Variants in BBOX1 observed in about 807,000 individuals in gnomAD.
BBOX1 encodes gamma-butyrobetaine hydroxylase 1.
BBOX1 carries 35 observed loss-of-function variants against 41.6 expected under a neutral mutation model. The ratio of observed to expected loss-of-function variants is 0.84; its 90% confidence interval spans 0.64 to 1.11. The LOEUF is 1.11. Among genes scored for constraint, BBOX1 ranks in the 50% most tolerant of loss-of-function variants. BBOX1 has a pLI of 0.00. For synonymous variants in BBOX1, 163 were observed against 154.7 expected, an observed-to-expected ratio of 1.05 and a Z score of -0.40; for missense variants, 458 against 460.6, an observed-to-expected ratio of 0.99 and a Z score of 0.05.
chr11:27,127,647 T>G lies in BBOX1; in HGVS notation c.*194T>G. On this transcript the variant is annotated 3_prime_UTR_variant, in exon 9 of 9. Transcript: ENST00000263182. ...CTTTTTAGATGTTTCACCACTCTTT[T>G]GCAAATAAAGCATCCTTTCTGCTCT... 1 of 623,632 alleles carries G rather than the reference T, an allele frequency of 1.6e-6. No individual in the cohort carries two copies. The highest frequency in any genetic ancestry group is 2.6e-6 in the Non-Finnish European group (1 of 388,266). 38.6% of individuals were successfully genotyped at this position (623,632 alleles called of 1,614,324 possible).
At chr11:27,115,643 A>T (rs1490921481) in intron 6 of BBOX1, 86 bp downstream of exon 6, 1 of 1,169,150 alleles carries the variant, frequency 8.6e-7, no homozygotes, top group Non-Finnish European at 1.2e-6. Flanking sequence ...TACACATTTC[A>T]CCAGGTAGTT....
chr11:27,048,970 T>A (rs1402794992), intron 2 of BBOX1, among the ~76,000 whole-genome samples: 1 of 146,454 alleles, frequency 6.8e-6, no homozygotes, highest in Non-Finnish European at 1.5e-5. Context: ...ATTGTTAAAT[T>A]CCCACCTATG....
intron 2 of BBOX1, among the ~76,000 whole-genome samples, chr11:27,043,086 C>T (rs927787397): frequency 3.3e-5 from 5 of 151,556 alleles, no homozygotes; most frequent in South Asian, 2.1e-4. Context: ...TTTTTTGAGA[C>T]GGAGTCTCAC....
intron 4 of BBOX1, among the ~76,000 whole-genome samples, chr11:27,080,784 A>T (rs1221519458): frequency 1.3e-5 from 2 of 152,088 alleles, no homozygotes; most frequent in African/African-American, 4.8e-5. Context: ...GAGGATAGAA[A>T]ACATAAGAAA....
chr11:27,054,205 CTGTG>C (rs57324926), intron 2 of BBOX1, among the ~76,000 whole-genome samples: 1,997 of 139,446 alleles, frequency 0.014, 16 homozygotes, highest in Non-Finnish European at 0.017. Flanking sequence ...GTGTGTGTGT[CTGTG>C]TGTGTGTGTG....
chr11:27,114,929 C>G (rs1859201967), intron 5 of BBOX1, among the ~76,000 whole-genome samples: 1 of 151,508 alleles, frequency 6.6e-6, no homozygotes, highest in South Asian at 2.1e-4. Context: ...TCCACAGAGA[C>G]AGAAAGCAAA....
intron 2 of BBOX1, among the ~76,000 whole-genome samples, chr11:27,048,208 A>T (rs1851550739): frequency 1.3e-5 from 2 of 152,170 alleles, no homozygotes; most frequent in Non-Finnish European, 1.5e-5. Context: ...TCGGATCTCC[A>T]GAATTTATTT....
chr11:27,083,146 A>T (rs1029323719), intron 4 of BBOX1, among the ~76,000 whole-genome samples: 6 of 152,140 alleles, frequency 3.9e-5, no homozygotes, highest in African/African-American at 1.2e-4. Flanking sequence ...AGAAAAGTGC[A>T]CTCAGACACA....
chr11:27,049,894 T>C (rs1851617058), intron 2 of BBOX1, among the ~76,000 whole-genome samples: 1 of 152,164 alleles, frequency 6.6e-6, no homozygotes, highest in South Asian at 2.1e-4. Flanking sequence ...TTTTGTTGCC[T>C]GTTCATTTGG....
intron 4 of BBOX1, among the ~76,000 whole-genome samples, chr11:27,091,763 C>T (rs761768133): frequency 6.6e-6 from 1 of 151,822 alleles, no homozygotes; most frequent in Non-Finnish European, 1.5e-5. Context: ...AGAGATGATA[C>T]AGTAAGTCAC....
intron 2 of BBOX1, among the ~76,000 whole-genome samples, chr11:27,050,782 C>T (rs549772024): frequency 6.6e-6 from 1 of 152,176 alleles, no homozygotes; most frequent in Admixed American, 6.5e-5. Flanking sequence ...CATCAGAAAA[C>T]AAGGACAATT....
chr11:27,073,821 C>T (rs898442507), intron 4 of BBOX1, among the ~76,000 whole-genome samples: 1 of 151,952 alleles, frequency 6.6e-6, no homozygotes, highest in Non-Finnish European at 1.5e-5. Flanking sequence ...GACAAAAAAC[C>T]AAACACTTGC....
At chr11:27,099,256 G>A (rs755014393) in intron 5 of BBOX1, among the ~76,000 whole-genome samples, 16 of 151,876 alleles carry the variant, frequency 1.1e-4, no homozygotes, top group Non-Finnish European at 1.9e-4. Context: ...CAGCAGTTCA[G>A]ATTTGTTTTT....
At chr11:27,082,375 G>A (rs1390572716) in intron 4 of BBOX1, among the ~76,000 whole-genome samples, 2 of 152,154 alleles carry the variant, frequency 1.3e-5, no homozygotes, top group South Asian at 2.1e-4. Context: ...CATTGAAAGG[G>A]ATGAAGAGGG....
At chr11:27,102,372 A>G (rs1858693914) in intron 5 of BBOX1, among the ~76,000 whole-genome samples, 1 of 152,142 alleles carries the variant, frequency 6.6e-6, no homozygotes, top group African/African-American at 2.4e-5. Flanking sequence ...TAGCTTAATG[A>G]ACTATCATAA....
intron 4 of BBOX1, chr11:27,062,950 A>G (rs1857175180): frequency 6.6e-6 from 1 of 152,264 alleles, no homozygotes; most frequent in African/African-American, 2.4e-5. Flanking sequence ...AAGAGAGTGA[A>G]GTAATCACAT....
At chr11:27,075,426 T>A (rs1364283435) in intron 4 of BBOX1, among the ~76,000 whole-genome samples, 1 of 152,130 alleles carries the variant, frequency 6.6e-6, no homozygotes, top group Non-Finnish European at 1.5e-5. Context: ...TATCCCTGCA[T>A]AGAAACCAGC....
intron 7 of BBOX1, 152 bp downstream of exon 7, chr11:27,119,997 C>CT: frequency 2.0e-6 from 1 of 498,866 alleles, no homozygotes; most frequent in Non-Finnish European, 3.3e-6. Flanking sequence ...AGTATTTTCA[C>CT]CATAAAAGTT....
intron 4 of BBOX1, among the ~76,000 whole-genome samples, chr11:27,073,615 A>G (rs1324090866): frequency 6.6e-6 from 1 of 151,894 alleles, no homozygotes; most frequent in Non-Finnish European, 1.5e-5. Context: ...ATGCACACGT[A>G]TGTTTATTGC....
Sources: allele counts gnomAD v4.1 joint callset (sites outside exome capture counted in the v4.1 genomes callset), GRCh38; gene constraint gnomAD v4.1.1; transcripts MANE v1.5; gene names NCBI Gene and HGNC (gene_info 2026-07-23, HGNC 2026-07-21).